Variants in AGBL1 observed in about 807,000 individuals in gnomAD.
The protein encoded by AGBL1 is cytosolic carboxypeptidase 4.
A neutral mutation model predicts 118.9 loss-of-function variants in AGBL1; 130 were observed. The ratio of observed to expected loss-of-function variants is 1.09; its 90% CI spans 0.95 to 1.26. The LOEUF (loss-of-function observed/expected upper bound fraction) is 1.26, where lower values mean the gene tolerates loss of function less well. AGBL1 is among the 50% of genes most tolerant of loss of function. AGBL1 has a pLI of 0.00. For missense variants in AGBL1, 1,584 were observed against 1,298.1 expected, an observed-to-expected ratio of 1.22 and a Z score of -3.38; for synonymous variants, 555 against 478.9, an observed-to-expected ratio of 1.16 and a Z score of -2.08.
At chr15:86,571,710 C>T (rs1310496904) in intron 21 of AGBL1, among the ~76,000 whole-genome samples, 2 of 152,166 alleles carry the variant, frequency 1.3e-5, no homozygotes, top group East Asian at 1.9e-4. Flanking sequence ...GTTTATTGGC[C>T]TCAGAGGGGA....
intron 1 of AGBL1, among the ~76,000 whole-genome samples, chr15:86,127,561 G>T (rs540701382): frequency 6.6e-6 from 1 of 152,002 alleles, no homozygotes; most frequent in Admixed American, 6.5e-5. Context: ...CCGAGGGCAC[G>T]TGGGAAATCA....
rs75040932 is a variant in AGBL1, at chr15:86,668,034, A to C, written c.2995-6239A>C. On this transcript the variant is annotated intron_variant, in intron 21 of 22. Transcript: ENST00000614907. ...AGGCATGTCACATGGTGAGAACAGCAAGAGAGAGAGGAGCAGGTGCCAGGC... is the reference window on the plus strand; with the variant it reads ...AGGCATGTCACATGGTGAGAACAGCCAGAGAGAGAGGAGCAGGTGCCAGGC... Among the ~76,000 whole-genome samples the C allele has an allele frequency of 1.1e-4, 16 of 152,250 alleles. No individual in the cohort carries two copies. The East Asian group carries it at 2.9e-3, about 28-fold the overall frequency.
chr15:86,204,029 T>A (rs1253614138), intron 5 of AGBL1, among the ~76,000 whole-genome samples: 1 of 151,934 alleles, frequency 6.6e-6, no homozygotes, highest in East Asian at 1.9e-4. Flanking sequence ...AGATAAAGAG[T>A]GAAGGATGAG....
intron 22 of AGBL1, among the ~76,000 whole-genome samples, chr15:86,789,214 C>G (rs2078457524): frequency 6.6e-6 from 1 of 152,230 alleles, no homozygotes; most frequent in Admixed American, 6.5e-5. Context: ...TGCTCCTAAT[C>G]TGGAGTCCCA....
intron 6 of AGBL1, 53 bp downstream of exon 6, chr15:86,225,004 A>G: frequency 6.4e-7 from 1 of 1,571,830 alleles, no homozygotes. Context: ...GGTTTAATGA[A>G]AGATACTTTC....
chr15:87,007,584 G>A lies in AGBL1; in HGVS notation c.3323+19496G>A, dbSNP rs146869930. ...ATGAATAAGAACACAGACAGGATGA[G>A]GTGTTTTAGTTGAGAGATAACTATA... On this transcript the variant is annotated intron_variant, in intron 24 of 24. Transcript: ENST00000441037. Among the ~76,000 whole-genome samples, 789 of 152,260 alleles carry A rather than the reference G, an allele frequency of 5.2e-3. 3 individuals are homozygous for A. Among genetic ancestry groups the A allele is most frequent in the Admixed American group, 0.01 (154 of 15,296 alleles).
intron 17 of AGBL1, among the ~76,000 whole-genome samples, chr15:86,393,831 C>A (rs182940646): frequency 2.0e-5 from 3 of 152,150 alleles, no homozygotes; most frequent in Admixed American, 1.3e-4. Flanking sequence ...AAGGTGGAAC[C>A]TTTGGAAGTT....
At chr15:86,145,949 G>A (rs1207410896) in intron 3 of AGBL1, among the ~76,000 whole-genome samples, 1 of 152,206 alleles carries the variant, frequency 6.6e-6, no homozygotes, top group Non-Finnish European at 1.5e-5. Context: ...GCTAAAACTT[G>A]AAGAATGAGA....
At chr15:86,986,549 A>AAGG (rs60099388) in intron 23 of AGBL1, among the ~76,000 whole-genome samples, 1 of 151,400 alleles carries the variant, frequency 6.6e-6, no homozygotes, top group East Asian at 1.9e-4. Context: ...TAATAGCAAA[A>AAGG]AGGAGGAGGA....
chr15:86,723,341 T>G (rs2094183656), intron 22 of AGBL1, among the ~76,000 whole-genome samples: 2 of 152,200 alleles, frequency 1.3e-5, no homozygotes, highest in African/African-American at 4.8e-5. Flanking sequence ...AATGATGAGT[T>G]CATGTCCTTT....
In AGBL1 at chr15:86,913,192, CACACACAT is replaced by C. The variant is rs1030748269; in HGVS notation, c.*5906_*5913del. The C allele has an allele frequency of 4.9e-5, 5 of 102,622 alleles. No homozygotes were observed. The highest frequency in any genetic ancestry group is 2.4e-4 in the African/African-American group (5 of 20,828). 6.4% of individuals were successfully genotyped at this position (102,622 alleles called of 1,614,324 possible). On this transcript the variant is annotated 3_prime_UTR_variant, in exon 23 of 23. Coordinates refer to ENST00000614907, the MANE Select transcript of AGBL1 (RefSeq NM_001386094.1). ...AGCTGAGTTTGAGTTCCCCACCACA[CACACACAT>C]ACACACACACACACACACACACACA...
chr15:86,624,284 A>C (rs2084852625), intron 21 of AGBL1, among the ~76,000 whole-genome samples: 1 of 152,236 alleles, frequency 6.6e-6, no homozygotes, highest in African/African-American at 2.4e-5. Context: ...TAAAAGTATG[A>C]GTCTAGCTGA....
intron 22 of AGBL1, among the ~76,000 whole-genome samples, chr15:86,880,233 CTA>C: frequency 6.6e-6 from 1 of 152,326 alleles, no homozygotes; most frequent in African/African-American, 2.4e-5. Context: ...GAAAATCACA[CTA>C]TAAAATTATG....
chr15:86,520,160 A>G lies in AGBL1; in HGVS notation c.2556-2650A>G, dbSNP rs142586625. On this transcript the variant is annotated intron_variant, in intron 18 of 22. Coordinates refer to ENST00000614907, the MANE Select transcript of AGBL1 (RefSeq NM_001386094.1). The stretch of plus-strand genomic sequence containing the variant: ...TTAGGATGAGGTAAGGAACCAATGA[A>G]TGTAGTCAAAGTTGTGCTATGCATC... Among the ~76,000 whole-genome samples, 7 of 152,352 alleles carry G rather than the reference A, an allele frequency of 4.6e-5. No homozygotes were observed. The East Asian group carries it at 1.2e-3, about 25-fold the overall frequency.
chr15:86,079,802 G>A (rs1394366315), upstream of AGBL1: 3 of 408,974 alleles, frequency 7.3e-6, no homozygotes, highest in Non-Finnish European at 1.3e-5. Flanking sequence ...ATTCACGCCT[G>A]TGCCGAGGTC....
chr15:86,332,457 T>TA (rs2080286391), intron 17 of AGBL1, among the ~76,000 whole-genome samples: 1 of 151,842 alleles, frequency 6.6e-6, no homozygotes, highest in African/African-American at 2.4e-5. Context: ...CCATCCTGGC[T>TA]AACATGGTGA....
intron 6 of AGBL1, among the ~76,000 whole-genome samples, chr15:86,244,985 G>A (rs1382782980): frequency 6.6e-6 from 1 of 152,134 alleles, no homozygotes; most frequent in Non-Finnish European, 1.5e-5. Flanking sequence ...ATTAAAGGAG[G>A]TAATGAAGGC....
intron 21 of AGBL1, among the ~76,000 whole-genome samples, chr15:86,652,279 C>G (rs926840650): frequency 3.9e-5 from 6 of 152,070 alleles, no homozygotes; most frequent in African/African-American, 9.7e-5. Flanking sequence ...GACATGACTT[C>G]CACTTAGTGA....
intron 22 of AGBL1, among the ~76,000 whole-genome samples, chr15:86,750,319 A>T (rs1004020862): frequency 5.3e-5 from 8 of 152,094 alleles, no homozygotes; most frequent in South Asian, 2.1e-4. Flanking sequence ...TGGGGTACAG[A>T]TTGGTATTTC....
Sources: allele counts gnomAD v4.1 joint callset (sites outside exome capture counted in the v4.1 genomes callset), GRCh38; gene constraint gnomAD v4.1.1; transcripts MANE v1.5; gene names NCBI Gene and HGNC (gene_info 2026-07-23, HGNC 2026-07-21).